Variants in AGAP1 observed in about 807,000 individuals in gnomAD.
The protein encoded by AGAP1 is ArfGAP with GTPase domain, ankyrin repeat and PH domain 1.
AGAP1 carries 29 observed loss-of-function variants against 105.3 expected under a neutral mutation model. That is an observed-to-expected ratio of 0.28 (90% CI 0.21 to 0.38). The LOEUF is 0.38. Ranked by LOEUF, AGAP1 falls within the 10% of genes least tolerant of loss-of-function variation. AGAP1 has a pLI of 1.00. For synonymous variants in AGAP1, 509 were observed against 485.9 expected (o/e 1.05, Z -0.63); for missense variants, 998 against 1,165.1 (o/e 0.86, Z 2.09).
chr2:235,699,069 TCC>T (rs5839607), intron 1 of AGAP1, among the ~76,000 whole-genome samples: 12,326 of 140,370 alleles, frequency 0.088, 1,681 homozygotes, highest in African/African-American at 0.29. Context: ...GCATCAGACA[TCC>T]CCCCCCCCCA....
Position 235,887,316 on chromosome 2 carries a change from A to G in AGAP1, c.1155+3867A>G, listed in dbSNP as rs2050318107. Among the ~76,000 whole-genome samples, 1 of 152,028 alleles carries G rather than the reference A, an allele frequency of 6.6e-6. No homozygotes were observed. The highest frequency in any genetic ancestry group is 6.5e-5 in the Admixed American group (1 of 15,272). On this transcript the variant is annotated intron_variant, in intron 10 of 17. Transcript: ENST00000304032. This position sits in a 1 kb window ranked among gnomAD's most constrained non-coding sequence, Gnocchi z 4.1. ...TTTCAGAGTCATTATTGTTGCTCCT[A>G]ACTCTATTACTGACCACAGCGTGAA...
intron 11 of AGAP1, among the ~76,000 whole-genome samples, chr2:235,925,124 A>C (rs899591173): frequency 5.3e-5 from 8 of 152,154 alleles, no homozygotes; most frequent in Non-Finnish European, 8.8e-5. Context: ...GTATAAGTGT[A>C]CCCTCGGCTT....
chr2:235,888,142 G>A lies in AGAP1; in HGVS notation c.1155+4693G>A, dbSNP rs1371529276. On this transcript the variant is annotated intron_variant, in intron 10 of 17. Transcript: ENST00000304032. This position sits in a 1 kb window ranked among gnomAD's most constrained non-coding sequence, Gnocchi z 4.8. The stretch of plus-strand genomic sequence containing the variant: ...GGTCTTGCACACAAGGAACATTGGA[G>A]CAAGAGTAAACAACTGAGTCAAGTT... 3.9e-5 allele frequency among the ~76,000 whole-genome samples: 6 copies of A among 152,188 alleles called. No homozygotes were observed. Among genetic ancestry groups the A allele is most frequent in the Non-Finnish European group, 5.9e-5 (4 of 68,034 alleles).
chr2:235,512,975 C>T (rs1942213903), intron 1 of AGAP1, among the ~76,000 whole-genome samples: 1 of 152,242 alleles, frequency 6.6e-6, no homozygotes, highest in Non-Finnish European at 1.5e-5. Context: ...CTGGCAGCAT[C>T]TGTTTAGAAC....
intron 13 of AGAP1, among the ~76,000 whole-genome samples, chr2:236,017,167 C>G (rs1199453343): frequency 6.6e-6 from 1 of 151,764 alleles, no homozygotes; most frequent in African/African-American, 2.4e-5. Context: ...GTGGCGAGCA[C>G]CTGTAATCCC....
chr2:236,066,699 A>G (rs2058355323), intron 16 of AGAP1, among the ~76,000 whole-genome samples: 1 of 152,214 alleles, frequency 6.6e-6, no homozygotes, highest in African/African-American at 2.4e-5. Context: ...TGCATACTGC[A>G]TTACACACAT....
rs2059167072 is a variant in AGAP1 at position 236,095,360 on chromosome 2, G to A, written c.2115-24832G>A. Among the ~76,000 whole-genome samples, 4 of 152,106 alleles carry A rather than the reference G, an allele frequency of 2.6e-5. No individual in the cohort carries two copies. On this transcript the variant is annotated intron_variant, in intron 16 of 17. Transcript: ENST00000304032. This position sits in a 1 kb window ranked among gnomAD's most constrained non-coding sequence, Gnocchi z 4.1. ...TGCAGTGAGCCATGATCATGCCACT[G>A]CATTCCAGCCTGGTTGACAGAGTTA...
chr2:235,702,416 C>T (rs2149481991), intron 1 of AGAP1, among the ~76,000 whole-genome samples: 1 of 152,308 alleles, frequency 6.6e-6, no homozygotes, highest in African/African-American at 2.4e-5. Context: ...GCTGCCTTCC[C>T]TGGTCCTTGC....
intron 16 of AGAP1, chr2:236,049,671 A>C: frequency 6.5e-6 from 1 of 153,382 alleles, no homozygotes; most frequent in Admixed American, 6.3e-5. Flanking sequence ...TGCTCTGTCG[A>C]TCCCCCCCCC....
At position 235,741,898 on chromosome 2, in the gene AGAP1, C is replaced by T. The variant is rs1304796116; in HGVS notation, c.396+850C>T. 6.6e-6 allele frequency among the ~76,000 whole-genome samples: 1 copy of T among 151,728 alleles called. No homozygotes were observed. The highest frequency in any genetic ancestry group is 1.5e-5 in the Non-Finnish European group (1 of 67,936). On this transcript the variant is annotated intron_variant, in intron 4 of 17. Transcript: ENST00000304032. This position sits in a 1 kb window ranked among gnomAD's most constrained non-coding sequence, Gnocchi z 4.9. ...CCTCCTGAGTAGCTGGGACTACGGG[C>T]GCCTGCTACCACGCCTGGCTAATTT...
In AGAP1 at chr2:235,830,222, G is replaced by T. The variant is rs1164251918; in HGVS notation, c.1050+22891G>T. Among the ~76,000 whole-genome samples, 1 of 152,220 alleles carries T rather than the reference G, an allele frequency of 6.6e-6. No individual in the cohort carries two copies. Among genetic ancestry groups the T allele is most frequent in the Non-Finnish European group, 1.5e-5 (1 of 68,034 alleles). ...AGTCGGCTCTGTGTGACTTCCCCAT[G>T]ACACCAGTGGGCCAGGCTACAGTCA... On this transcript the variant is annotated intron_variant, in intron 9 of 17. Transcript: ENST00000304032. This position sits in a 1 kb window ranked among gnomAD's most constrained non-coding sequence, Gnocchi z 5.5.
intron 1 of AGAP1, among the ~76,000 whole-genome samples, chr2:235,673,701 G>A (rs1403310063): frequency 1.3e-5 from 2 of 152,130 alleles, no homozygotes; most frequent in East Asian, 1.9e-4. Context: ...GACCTGCAAC[G>A]TGATAAGCAT....
rs1025705360 is a variant in AGAP1 at position 235,614,246 on chromosome 2, G to A, written c.164-94933G>A. 6.6e-6 allele frequency among the ~76,000 whole-genome samples: 1 copy of A among 152,154 alleles called. No individual in the cohort carries two copies. The highest frequency in any genetic ancestry group is 1.5e-5 in the Non-Finnish European group (1 of 68,030). On this transcript the variant is annotated intron_variant, in intron 1 of 17. Transcript: ENST00000304032. This position sits in a 1 kb window ranked among gnomAD's most constrained non-coding sequence, Gnocchi z 4.7. Reference sequence around the variant, plus strand: ...GAGTCACCCCATAATCATACAGTTAGCAGTGTGGCCAGCGTCACTTAAAGC... The same window carrying A: ...GAGTCACCCCATAATCATACAGTTAACAGTGTGGCCAGCGTCACTTAAAGC...
chr2:235,762,040 C>T (rs906119024), intron 6 of AGAP1, among the ~76,000 whole-genome samples: 12 of 149,378 alleles, frequency 8.0e-5, no homozygotes, highest in East Asian at 3.9e-4. Context: ...ACCCAGGAGC[C>T]GGAAGTTCCA....
At position 235,889,909 on chromosome 2, in the gene AGAP1, C is replaced by G. The variant is rs548378509; in HGVS notation, c.1155+6460C>G. Among the ~76,000 whole-genome samples, 1 of 151,890 alleles carries G rather than the reference C, an allele frequency of 6.6e-6. No individual in the cohort carries two copies. Among genetic ancestry groups the G allele is most frequent in the South Asian group, 2.1e-4 (1 of 4,776 alleles). ...GGAGCCAACTCAGACTAAGAAAGCT[C>G]CATGAAAGTTTATGCCAGTGATAAC... On this transcript the variant is annotated intron_variant, in intron 10 of 17. Transcript: ENST00000304032. The surrounding 1 kb of genome is among the most constrained non-coding windows in gnomAD (Gnocchi z 4.6).
intron 1 of AGAP1, among the ~76,000 whole-genome samples, chr2:235,698,144 A>G (rs73124447): frequency 0.055 from 8,313 of 152,212 alleles, 771 homozygotes; most frequent in African/African-American, 0.19. Flanking sequence ...TAGATCCCTC[A>G]CAGGTGTGGT....
chr2:235,716,697 C>T lies in AGAP1; in HGVS notation c.223-860C>T, dbSNP rs1376837953. Among the ~76,000 whole-genome samples, 5 of 152,148 alleles carry T rather than the reference C, an allele frequency of 3.3e-5. No homozygotes were observed. The highest frequency in any genetic ancestry group is 3.4e-3 in the Middle Eastern group (1 of 294). On this transcript the variant is annotated intron_variant, in intron 2 of 17. Coordinates refer to ENST00000304032, the MANE Select transcript of AGAP1 (RefSeq NM_001037131.3). The surrounding 1 kb of genome is among the most constrained non-coding windows in gnomAD (Gnocchi z 4.0). ...TTGATGAGCAGCTTCCCAGAGAAGG[C>T]GGCATGGGGGGTATCCAGCTCCCAA... is the stretch of plus-strand genomic sequence containing the variant.
rs1951126557 is a variant in AGAP1, at chr2:235,716,730, G to A, written c.223-827G>A. 6.6e-6 allele frequency among the ~76,000 whole-genome samples: 1 copy of A among 152,140 alleles called. No homozygotes were observed. Among genetic ancestry groups the A allele is most frequent in the African/African-American group, 2.4e-5 (1 of 41,416 alleles). ...GGGGTATCCAGCTCCCAAGCACAGG[G>A]AAAGGGAGGCTCCCTGTAGGATCGG... On this transcript the variant is annotated intron_variant, in intron 2 of 17. Coordinates refer to ENST00000304032, the MANE Select transcript of AGAP1 (RefSeq NM_001037131.3). The surrounding 1 kb of genome is among the most constrained non-coding windows in gnomAD (Gnocchi z 4.0).
chr2:235,560,319 T>C (rs548914204), intron 1 of AGAP1, among the ~76,000 whole-genome samples: 1 of 152,092 alleles, frequency 6.6e-6, no homozygotes, highest in African/African-American at 2.4e-5. Context: ...TTTCTCTCTT[T>C]CTGCTTCCTT....
Sources: gnomAD v4.1 joint callset for allele counts (sites outside exome capture counted in the v4.1 genomes callset) on GRCh38, gnomAD v4.1.1 for gene constraint, Gnocchi (gnomAD v3.1) non-coding constraint, MANE v1.5 for transcripts, NCBI Gene and HGNC (gene_info 2026-07-23, HGNC 2026-07-21) for gene names.